DENND1B: variants seen among roughly 807,000 people sequenced by gnomAD.
DENND1B encodes DENN domain-containing protein 1B.
A neutral mutation model predicts 90.1 loss-of-function variants in DENND1B; 59 were observed. That is an observed-to-expected ratio of 0.65 (90% CI 0.53 to 0.81). The LOEUF (loss-of-function observed/expected upper bound fraction) is 0.81, where lower values mean the gene tolerates loss of function less well. DENND1B is among the 40% of genes least tolerant of loss of function. The pLI, the probability that DENND1B is intolerant of heterozygous loss-of-function variation, is 0.00. For synonymous variants in DENND1B, 337 were observed against 324.6 expected (o/e 1.04, Z -0.41); for missense variants, 862 against 912.6 (o/e 0.94, Z 0.71).
intron 5 of DENND1B, among the ~76,000 whole-genome samples, chr1:197,668,370 A>G (rs1209814526): frequency 2.0e-5 from 3 of 151,748 alleles, no homozygotes; most frequent in East Asian, 2.0e-4. Flanking sequence ...TGAGGGTAAC[A>G]TTCTGGTGGG....
chr1:197,661,172 C>T (rs1017699179), intron 5 of DENND1B, among the ~76,000 whole-genome samples: 1 of 151,878 alleles, frequency 6.6e-6, no homozygotes, highest in Non-Finnish European at 1.5e-5. Context: ...CTCTTCAAGC[C>T]CCAGTGCTTA....
intron 15 of DENND1B, among the ~76,000 whole-genome samples, chr1:197,579,803 A>G (rs10737692): frequency 0.78 from 118,053 of 152,028 alleles, 46,108 homozygotes; most frequent in East Asian, 0.87. Context: ...CTGCAATTAC[A>G]CACATCAACT....
chr1:197,679,334 C>T (rs374216623), intron 3 of DENND1B, among the ~76,000 whole-genome samples: 1 of 149,260 alleles, frequency 6.7e-6, no homozygotes, highest in East Asian at 1.9e-4. Context: ...CAGATTCAAC[C>T]AACTGTGGAT....
At chr1:197,548,031 A>G (rs1319373809) in intron 16 of DENND1B, among the ~76,000 whole-genome samples, 2 of 152,240 alleles carry the variant, frequency 1.3e-5, no homozygotes, top group Admixed American at 6.5e-5. Context: ...AGAAAGTGGA[A>G]GAAGAAACAA....
intron 20 of DENND1B, among the ~76,000 whole-genome samples, chr1:197,516,961 C>G (rs1437906092): frequency 2.6e-5 from 4 of 151,932 alleles, no homozygotes; most frequent in African/African-American, 7.2e-5. Flanking sequence ...GCTTTATCTG[C>G]TAAGTGTTCC....
At chr1:197,703,599 T>C (rs1172531567) in intron 3 of DENND1B, among the ~76,000 whole-genome samples, 4 of 152,178 alleles carry the variant, frequency 2.6e-5, no homozygotes, top group African/African-American at 7.2e-5. Context: ...GTCTTGAACA[T>C]GAGCACACAA....
At chr1:197,626,934 T>C (rs1434733451) in intron 10 of DENND1B, among the ~76,000 whole-genome samples, 1 of 151,928 alleles carries the variant, frequency 6.6e-6, no homozygotes, top group Non-Finnish European at 1.5e-5. Context: ...CTAGAAGAAA[T>C]GGATAAATTC....
At chr1:197,694,238 T>C (rs1255309433) in intron 3 of DENND1B, among the ~76,000 whole-genome samples, 1 of 151,348 alleles carries the variant, frequency 6.6e-6, no homozygotes, top group Non-Finnish European at 1.5e-5. Context: ...AAAATTCCCC[T>C]AAAAGTCATT....
At chr1:197,530,485 C>A (rs1289621255) in intron 20 of DENND1B, among the ~76,000 whole-genome samples, 4 of 152,176 alleles carry the variant, frequency 2.6e-5, no homozygotes, top group African/African-American at 7.2e-5. Flanking sequence ...TCAAGGTCTT[C>A]TAAACTTATA....
chr1:197,608,510 T>C (rs1046930680), intron 12 of DENND1B, among the ~76,000 whole-genome samples: 2 of 150,698 alleles, frequency 1.3e-5, no homozygotes, highest in African/African-American at 2.4e-5. Flanking sequence ...AAAGTAACTA[T>C]AGTATAACTA....
At chr1:197,630,149 A>G (rs1283356431) in intron 10 of DENND1B, among the ~76,000 whole-genome samples, 2 of 152,142 alleles carry the variant, frequency 1.3e-5, no homozygotes, top group Admixed American at 1.3e-4. Context: ...GTTTCAAATA[A>G]ACCTAAATTT....
intron 2 of DENND1B, chr1:197,734,992 T>A (rs1662508196): frequency 4.1e-6 from 4 of 985,824 alleles, no homozygotes; most frequent in Non-Finnish European, 4.8e-6. Flanking sequence ...AGTGGATAAG[T>A]AAGAACTGGC....
At chr1:197,563,711 A>T (rs571243332) in intron 15 of DENND1B, among the ~76,000 whole-genome samples, 9 of 152,160 alleles carry the variant, frequency 5.9e-5, no homozygotes, top group Non-Finnish European at 1.3e-4. Flanking sequence ...AATACATTTC[A>T]TTAGGGCTAC....
intron 10 of DENND1B, among the ~76,000 whole-genome samples, chr1:197,631,394 G>T (rs1312042378): frequency 6.6e-6 from 1 of 151,940 alleles, no homozygotes; most frequent in Non-Finnish European, 1.5e-5. Flanking sequence ...TTATAAGAAG[G>T]TAGCTGATGT....
At chr1:197,627,814 G>A (rs1312044535) in intron 10 of DENND1B, among the ~76,000 whole-genome samples, 10 of 152,004 alleles carry the variant, frequency 6.6e-5, no homozygotes, top group African/African-American at 1.2e-4. Flanking sequence ...TGAAGCTGAT[G>A]AGCAACTTCA....
intron 15 of DENND1B, among the ~76,000 whole-genome samples, chr1:197,560,128 CA>C (rs1672043038): frequency 6.6e-6 from 1 of 151,814 alleles, no homozygotes; most frequent in African/African-American, 2.4e-5. Context: ...AATAAGACAA[CA>C]ATACTACTTT....
At chr1:197,624,772 A>C (rs1007346739) in intron 10 of DENND1B, among the ~76,000 whole-genome samples, 1 of 151,870 alleles carries the variant, frequency 6.6e-6, no homozygotes, top group Non-Finnish European at 1.5e-5. Flanking sequence ...ACTTTGAAAA[A>C]ATTTTAGACG....
intron 2 of DENND1B, among the ~76,000 whole-genome samples, chr1:197,752,809 C>T (rs1402659802): frequency 1.3e-5 from 2 of 151,884 alleles, no homozygotes; most frequent in African/African-American, 2.4e-5. Context: ...CGACAGGCCC[C>T]GGTGTGTGAT....
rs554194317 is a variant in DENND1B at position 197,646,389 on chromosome 1, A to G, written c.508-646T>C. On this transcript the variant is annotated intron_variant, in intron 8 of 22. Transcript: ENST00000620048. ...AATTAGCTTCTATAATGTTCAAAGAAGTAAAACAGTTCATCAGAATACTTA... is the reference window on the plus strand; with the variant it reads ...AATTAGCTTCTATAATGTTCAAAGAGGTAAAACAGTTCATCAGAATACTTA... Among the ~76,000 whole-genome samples the G allele has an allele frequency of 1.5e-4, 23 of 152,150 alleles. No individual in the cohort carries two copies. The East Asian group carries it at 4.2e-3, about 28-fold the overall frequency.
Sources: allele counts gnomAD v4.1 joint callset (sites outside exome capture counted in the v4.1 genomes callset), GRCh38; gene constraint gnomAD v4.1.1; transcripts MANE v1.5; gene names NCBI Gene and HGNC (gene_info 2026-07-23, HGNC 2026-07-21).